The following NETO1 variants were observed in gnomAD, a reference collection of about 807,000 sequenced individuals.
The protein encoded by NETO1 is neuropilin and tolloid like 1.
A neutral mutation model predicts 61.3 loss-of-function variants in NETO1; 26 were observed. That is an observed-to-expected ratio of 0.42 (90% confidence interval 0.31 to 0.59). The LOEUF (loss-of-function observed/expected upper bound fraction) is 0.59, where lower values mean the gene tolerates loss of function less well. Ranked by LOEUF, NETO1 falls within the 20% of genes least tolerant of loss-of-function variation. The probability of loss-of-function intolerance (pLI) is 0.12; values close to 1 mark genes in which losing one functional copy is unlikely to be tolerated. For synonymous variants in NETO1, 225 were observed against 225.8 expected, an observed-to-expected ratio of 1.00 and a Z score of 0.03; for missense variants, 531 against 662.8, an observed-to-expected ratio of 0.80 and a Z score of 2.18.
At chr18:72,867,204 G>A (rs1005087647) in intron 1 of NETO1, 60 bp downstream of exon 1, 5 of 1,347,810 alleles carry the variant, frequency 3.7e-6, no homozygotes, top group East Asian at 2.7e-5. Flanking sequence ...GTTCGGCCCC[G>A]GGAAAGGGGC....
At position 72,830,702 on chromosome 18, in the gene NETO1, T is replaced by C. The variant is rs1173750472; in HGVS notation, c.469+28124A>G. On this transcript the variant is annotated intron_variant, in intron 4 of 10. Transcript: ENST00000327305. The surrounding 1 kb of genome is among the most constrained non-coding windows in gnomAD (Gnocchi z 4.9). ...ATTCCTAGTTGAACTGAGTCTTGCA[T>C]AAAGCAACAAAAGATGAATTTTAAC... Among the ~76,000 whole-genome samples, 1 of 152,178 alleles carries C rather than the reference T, an allele frequency of 6.6e-6. No individual in the cohort carries two copies. The highest frequency in any genetic ancestry group is 2.4e-5 in the African/African-American group (1 of 41,434).
intron 7 of NETO1, among the ~76,000 whole-genome samples, chr18:72,771,743 A>C (rs1599135869): frequency 1.3e-5 from 2 of 152,176 alleles, no homozygotes; most frequent in East Asian, 3.8e-4. Context: ...TATATTAAAA[A>C]TGTTTTTAAG....
At chr18:72,805,902 C>A (rs1211486380) in intron 4 of NETO1, among the ~76,000 whole-genome samples, 1 of 152,022 alleles carries the variant, frequency 6.6e-6, no homozygotes, top group Non-Finnish European at 1.5e-5. Context: ...GTTAAAAACA[C>A]AAATATGTTC....
chr18:72,786,845 A>G (rs1030295686), intron 6 of NETO1, among the ~76,000 whole-genome samples: 10 of 151,354 alleles, frequency 6.6e-5, no homozygotes, highest in African/African-American at 1.7e-4. Flanking sequence ...TTTTCAGATG[A>G]CCTTTATTAG....
intron 7 of NETO1, among the ~76,000 whole-genome samples, chr18:72,776,384 C>A (rs1391495617): frequency 6.6e-6 from 1 of 152,178 alleles, no homozygotes; most frequent in Non-Finnish European, 1.5e-5. Context: ...TCAATACTAC[C>A]ACACTGGGGA....
intron 4 of NETO1, among the ~76,000 whole-genome samples, chr18:72,841,300 A>T (rs2073922388): frequency 6.6e-6 from 1 of 152,188 alleles, no homozygotes; most frequent in Non-Finnish European, 1.5e-5. Context: ...TTCTGAGACC[A>T]GTCTATAAAC....
intron 7 of NETO1, among the ~76,000 whole-genome samples, chr18:72,760,681 T>C (rs1044746333): frequency 6.6e-6 from 1 of 152,150 alleles, no homozygotes; most frequent in Non-Finnish European, 1.5e-5. Flanking sequence ...GGGATAAAGA[T>C]AATACTTACC....
At chr18:72,822,842 A>T (rs922653539) in intron 4 of NETO1, among the ~76,000 whole-genome samples, 14 of 152,182 alleles carry the variant, frequency 9.2e-5, no homozygotes, top group African/African-American at 3.1e-4. Context: ...ATTCTCTAAA[A>T]TAATAAAAGA....
chr18:72,834,564 T>C, intron 4 of NETO1: 4 of 979,362 alleles, frequency 4.1e-6, no homozygotes, highest in South Asian at 4.7e-5. Flanking sequence ...AATCATGTAG[T>C]AATCTATTTC....
intron 4 of NETO1, among the ~76,000 whole-genome samples, chr18:72,842,435 G>A (rs981237375): frequency 1.3e-5 from 2 of 152,130 alleles, no homozygotes; most frequent in African/African-American, 4.8e-5. Context: ...TGATGATGAT[G>A]ATGATGATGC....
In NETO1 at chr18:72,830,731, C is replaced by T. The variant is rs1055952140; in HGVS notation, c.469+28095G>A. On this transcript the variant is annotated intron_variant, in intron 4 of 10. Transcript: ENST00000327305. The surrounding 1 kb of genome is among the most constrained non-coding windows in gnomAD (Gnocchi z 4.9). ...GCAACAAAAGATGAATTTTAACCAC[C>T]TCCACTTTGACTGCATTTTCCCTCA... Among the ~76,000 whole-genome samples the T allele has an allele frequency of 2.0e-5, 3 of 152,126 alleles. No homozygotes were observed. Among genetic ancestry groups the T allele is most frequent in the African/African-American group, 4.8e-5 (2 of 41,424 alleles).
At chr18:72,844,997 A>C (rs1254944061) in intron 4 of NETO1, among the ~76,000 whole-genome samples, 1 of 152,220 alleles carries the variant, frequency 6.6e-6, no homozygotes, top group African/African-American at 2.4e-5. Flanking sequence ...ACCCCACATT[A>C]CGCACATGCC....
chr18:72,801,240 T>G (rs1169932371), intron 4 of NETO1, among the ~76,000 whole-genome samples: 1 of 147,844 alleles, frequency 6.8e-6, no homozygotes, highest in East Asian at 2.1e-4. Context: ...AGCATTTTCC[T>G]TGACTCTGAT....
intron 7 of NETO1, among the ~76,000 whole-genome samples, chr18:72,777,663 A>T (rs1403809619): frequency 1.3e-5 from 2 of 151,952 alleles, no homozygotes; most frequent in African/African-American, 4.8e-5. Flanking sequence ...GAATGGCGTG[A>T]ACCCGGGAGG....
intron 6 of NETO1, among the ~76,000 whole-genome samples, chr18:72,793,734 A>C (rs544289601): frequency 1.3e-5 from 2 of 152,312 alleles, no homozygotes; most frequent in South Asian, 2.1e-4. Context: ...AGGCCCCAGA[A>C]AAACGTCTAC....
chr18:72,849,522 T>C (rs1409412206), intron 4 of NETO1, among the ~76,000 whole-genome samples: 1 of 152,224 alleles, frequency 6.6e-6, no homozygotes, highest in African/African-American at 2.4e-5. Flanking sequence ...TAAGGCAATA[T>C]AGACGTTTTT....
chr18:72,844,778 GTTTT>G (rs923472414), intron 4 of NETO1, among the ~76,000 whole-genome samples: 1 of 152,084 alleles, frequency 6.6e-6, no homozygotes, highest in Admixed American at 6.6e-5. Context: ...GGTTTTGTTT[GTTTT>G]TTTGTTTTCA....
intron 4 of NETO1, among the ~76,000 whole-genome samples, chr18:72,812,443 A>G (rs17086357): frequency 0.013 from 1,928 of 152,302 alleles, 43 homozygotes; most frequent in African/African-American, 0.044. Flanking sequence ...ATTTTCGCCA[A>G]CGTCATCATT....
chr18:72,764,838 G>A (rs2071098750), intron 7 of NETO1, among the ~76,000 whole-genome samples: 1 of 152,122 alleles, frequency 6.6e-6, no homozygotes, highest in African/African-American at 2.4e-5. Context: ...TCAGGCGAAA[G>A]GCTCAAGACC....
Sources: gnomAD v4.1 joint callset for allele counts (sites outside exome capture counted in the v4.1 genomes callset) on GRCh38, gnomAD v4.1.1 for gene constraint, Gnocchi (gnomAD v3.1) non-coding constraint, MANE v1.5 for transcripts, NCBI Gene and HGNC (gene_info 2026-07-23, HGNC 2026-07-21) for gene names.